Variants in CCDC178 observed in about 807,000 individuals in gnomAD.
CCDC178 encodes coiled-coil domain-containing protein 178.
Under a neutral mutation model 117.4 loss-of-function variants are expected in CCDC178, and 126 were observed. The observed-to-expected ratio is 1.07, with a 90% CI of 0.93 to 1.24. CCDC178 has a LOEUF of 1.24. Ranked by LOEUF, CCDC178 falls within the 50% of genes most tolerant of loss-of-function variation. The pLI is 0.00. For missense variants in CCDC178, 1,030 were observed against 986.9 expected (o/e 1.04, Z -0.59); for synonymous variants, 283 against 313.4 (o/e 0.90, Z 1.02).
chr18:33,085,544 CAGAG>C lies in CCDC178; in HGVS notation c.2388+7213_2388+7216del, dbSNP rs1242561888. ...CGCCACTGCACTCCAGCCTGGGCGA[CAGAG>C]AGAGATTCCGTCTCAAAAAAATAAA... On this transcript the variant is annotated intron_variant, in intron 21 of 22. Coordinates refer to ENST00000383096, the MANE Select transcript of CCDC178 (RefSeq NM_001105528.4). 1.6e-4 allele frequency among the ~76,000 whole-genome samples: 25 copies of C among 152,148 alleles called. No individual in the cohort carries two copies. In the East Asian group the frequency reaches 3.9e-3, roughly 24 times the overall value.
intron 20 of CCDC178, among the ~76,000 whole-genome samples, chr18:33,142,428 G>T (rs1000115005): frequency 6.6e-6 from 1 of 152,134 alleles, no homozygotes; most frequent in African/African-American, 2.4e-5. Flanking sequence ...TATCATGATA[G>T]AATAAAATGA....
intron 21 of CCDC178, among the ~76,000 whole-genome samples, chr18:33,079,359 AG>A (rs1388116815): frequency 2.0e-5 from 3 of 152,208 alleles, no homozygotes; most frequent in Admixed American, 1.3e-4. Context: ...TTCTGGAGAT[AG>A]GAACCAGCAA....
chr18:33,279,002 T>C (rs1295312098), intron 12 of CCDC178, among the ~76,000 whole-genome samples: 1 of 152,082 alleles, frequency 6.6e-6, no homozygotes, highest in East Asian at 1.9e-4. Context: ...AATATCATAC[T>C]GAATGGGCAA....
intron 12 of CCDC178, among the ~76,000 whole-genome samples, chr18:33,276,091 G>A (rs1380741719): frequency 6.6e-6 from 1 of 151,832 alleles, no homozygotes; most frequent in Non-Finnish European, 1.5e-5. Flanking sequence ...ATCTGAAGTT[G>A]GACTTCTCAG....
At chr18:33,125,175 C>T (rs1468724109) in intron 20 of CCDC178, among the ~76,000 whole-genome samples, 1 of 152,112 alleles carries the variant, frequency 6.6e-6, no homozygotes, top group Admixed American at 6.6e-5. Context: ...AGACACACTG[C>T]ACTCCTCTAA....
chr18:33,375,040 T>C (rs1418873492), intron 5 of CCDC178, among the ~76,000 whole-genome samples: 1 of 152,164 alleles, frequency 6.6e-6, no homozygotes, highest in Non-Finnish European at 1.5e-5. Flanking sequence ...GGTGGTTAAA[T>C]GGATGTGTGT....
At chr18:33,323,342 A>C (rs2062540186) in intron 11 of CCDC178, 149 bp downstream of exon 11, 1 of 403,258 alleles carries the variant, frequency 2.5e-6, no homozygotes, top group Non-Finnish European at 4.2e-6. Flanking sequence ...CTTTTTATTT[A>C]CATATAAACT....
chr18:33,203,509 T>A (rs1179646709), intron 20 of CCDC178, among the ~76,000 whole-genome samples: 1 of 152,204 alleles, frequency 6.6e-6, no homozygotes, highest in Non-Finnish European at 1.5e-5. Flanking sequence ...TTTAGTAATA[T>A]AATGACTTCA....
intron 6 of CCDC178, among the ~76,000 whole-genome samples, chr18:33,367,608 A>G (rs938135714): frequency 6.6e-6 from 1 of 151,958 alleles, no homozygotes; most frequent in Non-Finnish European, 1.5e-5. Context: ...TTAGTCAGAA[A>G]AAATTTTTTC....
At chr18:33,278,276 C>T (rs1001689856) in intron 12 of CCDC178, among the ~76,000 whole-genome samples, 6 of 110,180 alleles carry the variant, frequency 5.4e-5, no homozygotes, top group African/African-American at 2.1e-4. Context: ...TATATATACA[C>T]AAATACATAT....
chr18:33,426,831 T>G (rs1177683692), intron 2 of CCDC178, among the ~76,000 whole-genome samples: 2 of 152,174 alleles, frequency 1.3e-5, no homozygotes, highest in Admixed American at 6.5e-5. Flanking sequence ...AGTATAAAAT[T>G]ATTTAATTGT....
chr18:33,062,456 A>C (rs2056939301), intron 21 of CCDC178, among the ~76,000 whole-genome samples: 1 of 152,206 alleles, frequency 6.6e-6, no homozygotes, highest in Admixed American at 6.5e-5. Flanking sequence ...ACTAAAATTC[A>C]GCATGCAAGT....
At chr18:33,307,643 C>G (rs997105912) in intron 11 of CCDC178, among the ~76,000 whole-genome samples, 3 of 152,180 alleles carry the variant, frequency 2.0e-5, no homozygotes, top group African/African-American at 7.2e-5. Flanking sequence ...GAGACCTTCA[C>G]AGCAGCCCAT....
chr18:33,403,593 A>G (rs1359167902), intron 3 of CCDC178, among the ~76,000 whole-genome samples: 1 of 152,206 alleles, frequency 6.6e-6, no homozygotes, highest in East Asian at 1.9e-4. Flanking sequence ...ATACATAAAA[A>G]TCTTGAAAGT....
chr18:32,948,583 C>T (rs371672714), intron 22 of CCDC178, among the ~76,000 whole-genome samples: 2 of 151,980 alleles, frequency 1.3e-5, no homozygotes, highest in African/African-American at 4.8e-5. Context: ...AAGCATGTTA[C>T]CTGCTAATAA....
intron 21 of CCDC178, among the ~76,000 whole-genome samples, chr18:33,053,597 AT>A (rs2056780902): frequency 6.6e-6 from 1 of 152,174 alleles, no homozygotes; most frequent in Admixed American, 6.5e-5. Flanking sequence ...TTCAAACAAC[AT>A]TTACTGATAA....
At chr18:33,310,333 G>C (rs2062323319) in intron 11 of CCDC178, among the ~76,000 whole-genome samples, 1 of 151,452 alleles carries the variant, frequency 6.6e-6, no homozygotes, top group African/African-American at 2.4e-5. Flanking sequence ...TGTATGTCAT[G>C]ATAAAGTTTG....
intron 20 of CCDC178, among the ~76,000 whole-genome samples, chr18:33,149,802 A>G (rs901884808): frequency 6.6e-6 from 1 of 152,238 alleles, no homozygotes; most frequent in African/African-American, 2.4e-5. Context: ...TCACAATAAC[A>G]TGGCTCGCTC....
At chr18:33,102,900 A>G (rs1047386043) in intron 20 of CCDC178, among the ~76,000 whole-genome samples, 4 of 151,822 alleles carry the variant, frequency 2.6e-5, no homozygotes, top group African/African-American at 7.2e-5. Context: ...TGGTTTACAT[A>G]TTGTCTTCAG....
Sources: gnomAD v4.1 joint callset for allele counts (sites outside exome capture counted in the v4.1 genomes callset) on GRCh38, gnomAD v4.1.1 for gene constraint, MANE v1.5 for transcripts, NCBI Gene and HGNC (gene_info 2026-07-23, HGNC 2026-07-21) for gene names.